XYLT1: variants seen among roughly 807,000 people sequenced by gnomAD.
XYLT1 encodes xylosyltransferase 1.
XYLT1 carries 36 observed loss-of-function variants against 91.3 expected under a neutral mutation model. That is an observed-to-expected ratio of 0.39 (90% CI 0.30 to 0.52). XYLT1 has a LOEUF of 0.52. XYLT1 is among the 20% of genes least tolerant of loss of function. XYLT1 has a pLI of 0.68. For synonymous variants in XYLT1, 588 were observed against 532.0 expected, an observed-to-expected ratio of 1.11 and a Z score of -1.45; for missense variants, 1,242 against 1,284.5, an observed-to-expected ratio of 0.97 and a Z score of 0.51.
chr16:17,324,241 A>T (rs2034767230), intron 2 of XYLT1, among the ~76,000 whole-genome samples: 1 of 152,198 alleles, frequency 6.6e-6, no homozygotes, highest in Non-Finnish European at 1.5e-5. Flanking sequence ...AAGGGAGAAA[A>T]TGGTAACGCT....
chr16:17,117,234 TCTA>T (rs1222401612), intron 11 of XYLT1, among the ~76,000 whole-genome samples: 1 of 152,116 alleles, frequency 6.6e-6, no homozygotes, highest in African/African-American at 2.4e-5. Flanking sequence ...GCAAATATCT[TCTA>T]CTATTATGTG....
intron 1 of XYLT1, among the ~76,000 whole-genome samples, chr16:17,405,134 C>T (rs2036015937): frequency 6.6e-6 from 1 of 152,196 alleles, no homozygotes. Context: ...GCAGAGGGGG[C>T]ATTTGATACC....
intron 2 of XYLT1, among the ~76,000 whole-genome samples, chr16:17,302,260 C>T (rs778657486): frequency 3.9e-5 from 6 of 152,032 alleles, no homozygotes; most frequent in Non-Finnish European, 7.4e-5. Flanking sequence ...AAATACATGT[C>T]GAGGTCAACC....
chr16:17,267,541 G>C (rs538156939), intron 2 of XYLT1, among the ~76,000 whole-genome samples: 105 of 152,154 alleles, frequency 6.9e-4, no homozygotes, highest in Non-Finnish European at 1.2e-3. Flanking sequence ...CGAGTAGCTG[G>C]GACTACAGGC....
chr16:17,267,484 G>T (rs1474815357), intron 2 of XYLT1, among the ~76,000 whole-genome samples: 2 of 152,218 alleles, frequency 1.3e-5, no homozygotes, highest in Non-Finnish European at 2.9e-5. Flanking sequence ...CACGCTCATC[G>T]CAAGCTCCGC....
intron 2 of XYLT1, among the ~76,000 whole-genome samples, chr16:17,308,482 G>A (rs2034498962): frequency 1.3e-5 from 2 of 152,172 alleles, no homozygotes; most frequent in South Asian, 2.1e-4. Context: ...CCAGCTCCCT[G>A]TAAGGTGAAG....
intron 1 of XYLT1, among the ~76,000 whole-genome samples, chr16:17,368,604 C>T (rs565177559): frequency 1.2e-3 from 143 of 114,454 alleles, no homozygotes; most frequent in Non-Finnish European, 2.2e-3. Flanking sequence ...AAAAAAAAAA[C>T]GACAGGGTCT....
intron 1 of XYLT1, among the ~76,000 whole-genome samples, chr16:17,359,662 T>G (rs765222509): frequency 6.6e-6 from 1 of 152,118 alleles, no homozygotes; most frequent in Non-Finnish European, 1.5e-5. Context: ...CAAGAAAACA[T>G]GGAGGGGAAT....
intron 1 of XYLT1, among the ~76,000 whole-genome samples, chr16:17,371,615 G>A (rs144769127): frequency 5.2e-4 from 79 of 152,258 alleles, no homozygotes; most frequent in East Asian, 5.0e-3. Flanking sequence ...GGTACTATAC[G>A]TACTAATTTC....
chr16:17,152,968 C>G (rs527243856), intron 6 of XYLT1, among the ~76,000 whole-genome samples: 2 of 152,274 alleles, frequency 1.3e-5, no homozygotes, highest in African/African-American at 4.8e-5. Flanking sequence ...CACATGCCCA[C>G]TTATAAAGGG....
chr16:17,128,739 G>A (rs2030352330), intron 9 of XYLT1, among the ~76,000 whole-genome samples: 1 of 152,224 alleles, frequency 6.6e-6, no homozygotes, highest in South Asian at 2.1e-4. Context: ...GCAGGGAAGT[G>A]AAGCAGAGAT....
chr16:17,442,219 T>C (rs1018987238), intron 1 of XYLT1, among the ~76,000 whole-genome samples: 2 of 152,228 alleles, frequency 1.3e-5, no homozygotes, highest in Non-Finnish European at 2.9e-5. Context: ...TCAGCCATCA[T>C]ACTTGTATGA....
chr16:17,335,276 C>T (rs543075419), intron 2 of XYLT1, among the ~76,000 whole-genome samples: 92 of 151,844 alleles, frequency 6.1e-4, no homozygotes, highest in Non-Finnish European at 9.3e-4. Context: ...CCACCTGGAA[C>T]AAGGGTTAAC....
intron 2 of XYLT1, among the ~76,000 whole-genome samples, chr16:17,304,989 G>A (rs1041552608): frequency 6.6e-6 from 1 of 152,204 alleles, no homozygotes; most frequent in African/African-American, 2.4e-5. Flanking sequence ...GCACAGGAAT[G>A]ATCTGGAAGT....
At chr16:17,323,381 G>A (rs2034753244) in intron 2 of XYLT1, among the ~76,000 whole-genome samples, 1 of 152,144 alleles carries the variant, frequency 6.6e-6, no homozygotes, top group Non-Finnish European at 1.5e-5. Flanking sequence ...GCACCATTGG[G>A]AATTCCTAAC....
At chr16:17,199,719 T>C (rs916002268) in intron 4 of XYLT1, among the ~76,000 whole-genome samples, 1 of 152,200 alleles carries the variant, frequency 6.6e-6, no homozygotes, top group African/African-American at 2.4e-5. Context: ...GCTGCCGCCA[T>C]GTAAGACTTG....
At chr16:17,122,205 G>A (rs1045118433) in intron 10 of XYLT1, among the ~76,000 whole-genome samples, 4 of 152,182 alleles carry the variant, frequency 2.6e-5, no homozygotes, top group Admixed American at 2.6e-4. Context: ...GGTTGTCCTA[G>A]TTTACAGTCC....
chr16:17,399,931 A>G (rs1441983639), intron 1 of XYLT1, among the ~76,000 whole-genome samples: 1 of 152,198 alleles, frequency 6.6e-6, no homozygotes, highest in African/African-American at 2.4e-5. Context: ...AGATAAAGCA[A>G]ATATTTCTTT....
At chr16:17,217,792 T>C (rs1488260621) in intron 3 of XYLT1, among the ~76,000 whole-genome samples, 2 of 151,962 alleles carry the variant, frequency 1.3e-5, no homozygotes, top group African/African-American at 2.4e-5. Context: ...GGCCAGGTGA[T>C]CTGATGCAAA....
Sources: allele counts gnomAD v4.1 joint callset (sites outside exome capture counted in the v4.1 genomes callset), GRCh38; gene constraint gnomAD v4.1.1; transcripts MANE v1.5; gene names NCBI Gene and HGNC (gene_info 2026-07-23, HGNC 2026-07-21).